The following LCMT1 variants were observed in gnomAD, a reference collection of about 807,000 sequenced individuals.
The protein encoded by LCMT1 is leucine carboxyl methyltransferase 1.
Under a neutral mutation model 47.7 loss-of-function variants are expected in LCMT1, and 32 were observed. That is an observed-to-expected ratio of 0.67 (90% CI 0.51 to 0.90). The LOEUF is 0.90. LCMT1 is among the 40% of genes least tolerant of loss of function. The pLI is 0.00. For missense variants in LCMT1, 375 were observed against 415.2 expected (o/e 0.90, Z 0.84); for synonymous variants, 152 against 149.7 (o/e 1.02, Z -0.11).
At chr16:25,128,445 C>T in intron 1 of LCMT1, 30 bp from the exon 2 acceptor site, 1 of 1,533,144 alleles carries the variant, frequency 6.5e-7, no homozygotes, top group South Asian at 1.2e-5. Flanking sequence ...TCAATCTCTA[C>T]TCACCTTCCT....
chr16:25,136,517 G>A (rs891781451), intron 3 of LCMT1, among the ~76,000 whole-genome samples: 1 of 151,254 alleles, frequency 6.6e-6, no homozygotes, highest in Non-Finnish European at 1.5e-5. Context: ...GAATGTGCAG[G>A]TTTGTTACAT....
At chr16:25,125,180 G>T (rs1381207146) in intron 1 of LCMT1, among the ~76,000 whole-genome samples, 1 of 152,348 alleles carries the variant, frequency 6.6e-6, no homozygotes, top group Non-Finnish European at 1.5e-5. Context: ...ACAGTGTCAT[G>T]CAGGGTGCAG....
rs141187823 is a variant in LCMT1 at position 25,153,061 on chromosome 16, A to T, written c.466+1446A>T. 1.3e-4 allele frequency among the ~76,000 whole-genome samples: 20 copies of T among 152,254 alleles called. No homozygotes were observed. In the East Asian group the frequency reaches 3.9e-3, roughly 29 times the overall value. ...GGTGACTAGATGAGCCAGGTTTATT[A>T]CAACAAGCAGGGACATGAGAGGAGG... On this transcript the variant is annotated intron_variant, in intron 5 of 10. Coordinates refer to ENST00000399069, the MANE Select transcript of LCMT1 (RefSeq NM_016309.3).
intron 2 of LCMT1, 149 bp from the exon 3 acceptor site, chr16:25,132,253 G>T: frequency 2.2e-6 from 2 of 917,784 alleles, no homozygotes; most frequent in Admixed American, 2.8e-5. Context: ...GAAAGTTGCT[G>T]TTTCTCCCAT....
chr16:25,138,102 A>C (rs1302820977), intron 3 of LCMT1, among the ~76,000 whole-genome samples: 1 of 152,178 alleles, frequency 6.6e-6, no homozygotes, highest in Non-Finnish European at 1.5e-5. Context: ...AGCCATCACC[A>C]GGTTCTGGAT....
chr16:25,132,692 C>T (rs981380952), intron 3 of LCMT1, among the ~76,000 whole-genome samples, 169 bp downstream of exon 3: 9 of 151,968 alleles, frequency 5.9e-5, no homozygotes, highest in Admixed American at 5.2e-4. Flanking sequence ...TGTTTTATCT[C>T]ACCAGGGCCC....
At chr16:25,160,865 G>T (rs1294916400) in intron 5 of LCMT1, 1 of 624,392 alleles carries the variant, frequency 1.6e-6, no homozygotes, top group Non-Finnish European at 3.0e-6. Context: ...GAGGGGATGT[G>T]TTTTTGTTGT....
intron 7 of LCMT1, among the ~76,000 whole-genome samples, chr16:25,166,269 C>CAAA (rs371727353): frequency 1.0e-5 from 1 of 96,338 alleles, no homozygotes; most frequent in Non-Finnish European, 2.1e-5. Flanking sequence ...GACGCCATCT[C>CAAA]AAAAAAAAAA....
At chr16:25,114,320 C>T (rs1324271296) in intron 1 of LCMT1, among the ~76,000 whole-genome samples, 2 of 152,152 alleles carry the variant, frequency 1.3e-5, no homozygotes, top group African/African-American at 4.8e-5. Context: ...TGCAGCAGTG[C>T]TTGGCATACT....
chr16:25,140,956 T>C (rs569020929), intron 4 of LCMT1: 1 of 151,594 alleles, frequency 6.6e-6, no homozygotes, highest in Non-Finnish European at 1.5e-5. Context: ...CCCTCTATTC[T>C]TAAGGAGAAA....
intron 7 of LCMT1, among the ~76,000 whole-genome samples, chr16:25,167,322 CT>C (rs1399385044): frequency 3.2e-3 from 461 of 143,782 alleles, no homozygotes; most frequent in Middle Eastern, 3.6e-3. Flanking sequence ...TTTTTTTGGT[CT>C]TTTTTTTTTT....
intron 1 of LCMT1, among the ~76,000 whole-genome samples, chr16:25,120,430 T>C (rs1959937237): frequency 6.6e-6 from 1 of 150,728 alleles, no homozygotes; most frequent in African/African-American, 2.4e-5. Context: ...TTTTTCTTTT[T>C]CTTTTTTTTT....
chr16:25,176,550 C>CTTTTTTTTTTTTTT (rs1170373745), intron 10 of LCMT1, among the ~76,000 whole-genome samples: 1 of 44,258 alleles, frequency 2.3e-5, no homozygotes, highest in African/African-American at 1.0e-4. Flanking sequence ...TTTTTTTTGG[C>CTTTTTTTTTTTTTT]TTTTTTTTTT....
chr16:25,120,401 A>G (rs1422251977), intron 1 of LCMT1, among the ~76,000 whole-genome samples: 3 of 145,314 alleles, frequency 2.1e-5, no homozygotes, highest in African/African-American at 7.6e-5. Flanking sequence ...TTTAAATTCT[A>G]TGGTTTTTGA....
Position 25,161,134 on chromosome 16 carries a change from G to T in LCMT1, c.499G>T (p.Val167Phe), listed in dbSNP as rs372670026. 9 of 1,610,248 alleles carry T rather than the reference G, an allele frequency of 5.6e-6. No individual in the cohort carries two copies. The highest frequency in any genetic ancestry group is 7.6e-6 in the Non-Finnish European group (9 of 1,178,100). ...GHILDSKRYA[V>F]IGADLRDLSE... ...CATACTGGATTCAAAGAGATATGCC[G>T]TTATTGGAGCAGATCTCCGAGACCT... The change falls in exon 6 of 11, where the codon GTT becomes TTT. Residue 167 changes from valine to phenylalanine, a missense_variant. Coordinates refer to ENST00000399069, the MANE Select transcript of LCMT1 (RefSeq NM_016309.3).
intron 1 of LCMT1, chr16:25,125,842 TAATAATA>T (rs958101631): frequency 9.1e-5 from 7 of 76,924 alleles, no homozygotes; most frequent in Admixed American, 2.0e-4. Flanking sequence ...CTAATAGTAA[TAATAATA>T]ATAATAATAA....
chr16:25,111,801 C>T lies in LCMT1; in HGVS notation c.-83C>T, dbSNP rs1268343046. The T allele has an allele frequency of 4.3e-6, 4 of 920,908 alleles. No individual in the cohort carries two copies. Among genetic ancestry groups the T allele is most frequent in the South Asian group, 4.2e-5 (3 of 70,728 alleles). The allele number at this position is 920,908 out of a possible 1,614,324, so 57.0% of individuals were successfully genotyped here. ...CCTACCCTCTTCTGTTGCTTTCTCCCTGTGGCTCGCGCCGTCCCCCGCCGC... is the reference window on the plus strand; with the variant it reads ...CCTACCCTCTTCTGTTGCTTTCTCCTTGTGGCTCGCGCCGTCCCCCGCCGC... On this transcript the variant is annotated 5_prime_UTR_variant, in exon 1 of 11. Transcript: ENST00000399069.
chr16:25,116,717 C>CA (rs61022139), intron 1 of LCMT1, among the ~76,000 whole-genome samples: 1,594 of 63,460 alleles, frequency 0.025, 20 homozygotes, highest in African/African-American at 0.036. Context: ...CTCCTCTCCA[C>CA]AAAAAAAAAA....
At chr16:25,119,880 G>T (rs1959912964) in intron 1 of LCMT1, among the ~76,000 whole-genome samples, 1 of 152,036 alleles carries the variant, frequency 6.6e-6, no homozygotes, top group Admixed American at 6.5e-5. Flanking sequence ...TGTCTATCAG[G>T]CCAGGCACGG....
Sources: gnomAD v4.1 joint callset for allele counts (sites outside exome capture counted in the v4.1 genomes callset) on GRCh38, gnomAD v4.1.1 for gene constraint, MANE v1.5 for transcripts, NCBI Gene and HGNC (gene_info 2026-07-23, HGNC 2026-07-21) for gene names.